The following GRAMD1B variants were observed in gnomAD, a reference collection of about 807,000 sequenced individuals.
GRAMD1B encodes protein Aster-B.
GRAMD1B carries 37 observed loss-of-function variants against 99.7 expected under a neutral mutation model. The observed-to-expected ratio is 0.37, with a 90% CI of 0.29 to 0.49. The LOEUF (loss-of-function observed/expected upper bound fraction) is 0.49, where lower values mean the gene tolerates loss of function less well. GRAMD1B is among the 20% of genes least tolerant of loss of function. The pLI, the probability that GRAMD1B is intolerant of heterozygous loss-of-function variation, is 0.98. For missense variants in GRAMD1B, 888 were observed against 1,009.2 expected, an observed-to-expected ratio of 0.88 and a Z score of 1.63; for synonymous variants, 427 against 387.6, an observed-to-expected ratio of 1.10 and a Z score of -1.19.
chr11:123,367,515 G>A (rs1946358977), intron 1 of GRAMD1B, among the ~76,000 whole-genome samples: 1 of 152,160 alleles, frequency 6.6e-6, no homozygotes, highest in Non-Finnish European at 1.5e-5. Context: ...TCAGGCAGAT[G>A]GGATAGCATG....
At chr11:123,429,517 A>G (rs1391685033), upstream of GRAMD1B, among the ~76,000 whole-genome samples, 2 of 152,146 alleles carry the variant, frequency 1.3e-5, no homozygotes, top group East Asian at 3.9e-4. The surrounding 1 kb of genome is among the most constrained non-coding windows in gnomAD (Gnocchi z 4.0). Context: ...ATCAGCCCTC[A>G]GCAATGTAAG....
chr11:123,599,315 C>T (rs1176709524), intron 7 of GRAMD1B: 15 of 708,916 alleles, frequency 2.1e-5, no homozygotes, highest in East Asian at 8.9e-5. Flanking sequence ...ACCTATCTTG[C>T]GTGGCCCGAG....
chr11:123,518,283 C>T lies in GRAMD1B; in HGVS notation c.452+37390C>T, dbSNP rs181427543. On this transcript the variant is annotated intron_variant, in intron 2 of 19. Coordinates refer to ENST00000635736, the MANE Select transcript of GRAMD1B (RefSeq NM_001387025.1). ...GTCAGGCAGTCAAGCATTCAGGAAG[C>T]GGGAGGAAGATTTTGGAGGTGAAGG... Among the ~76,000 whole-genome samples, 30 of 152,202 alleles carry T rather than the reference C, an allele frequency of 2.0e-4. No homozygotes were observed. The East Asian group carries it at 4.2e-3, about 22-fold the overall frequency.
At chr11:123,382,959 A>G (rs1946932812) in intron 1 of GRAMD1B, among the ~76,000 whole-genome samples, 1 of 152,108 alleles carries the variant, frequency 6.6e-6, no homozygotes, top group Non-Finnish European at 1.5e-5. Context: ...GCAGGACCCA[A>G]CCAGAAGCCA....
intron 1 of GRAMD1B, among the ~76,000 whole-genome samples, chr11:123,464,278 T>A (rs1290956964): frequency 6.6e-6 from 1 of 152,042 alleles, no homozygotes; most frequent in Non-Finnish European, 1.5e-5. Context: ...CACCCCAGCC[T>A]GGGAGACAGA....
At chr11:123,511,821 A>G (rs1412639083) in intron 2 of GRAMD1B, among the ~76,000 whole-genome samples, 8 of 152,298 alleles carry the variant, frequency 5.3e-5, no homozygotes, top group Non-Finnish European at 1.0e-4. Flanking sequence ...TGGTTAGAAC[A>G]TGTCTCTGGG....
chr11:123,402,663 GCT>G (rs1947709116), intron 1 of GRAMD1B, among the ~76,000 whole-genome samples: 1 of 152,170 alleles, frequency 6.6e-6, no homozygotes, highest in African/African-American at 2.4e-5. Context: ...CAGACTTTCT[GCT>G]CTCTTTCCTC....
intron 1 of GRAMD1B, among the ~76,000 whole-genome samples, chr11:123,365,996 A>G (rs1946307777): frequency 6.6e-6 from 1 of 152,220 alleles, no homozygotes; most frequent in Non-Finnish European, 1.5e-5. Context: ...GGGGACCACC[A>G]CTTTCAAAAG....
intron 2 of GRAMD1B, among the ~76,000 whole-genome samples, chr11:123,564,335 A>T (rs1404959729): frequency 1.3e-5 from 2 of 152,240 alleles, no homozygotes; most frequent in East Asian, 3.8e-4. Context: ...TCAGTACTTC[A>T]TAGTGTATTC....
chr11:123,561,400 G>A (rs555818327), intron 2 of GRAMD1B, among the ~76,000 whole-genome samples: 35 of 152,352 alleles, frequency 2.3e-4, no homozygotes, highest in African/African-American at 8.2e-4. Flanking sequence ...AGGAGAGGAT[G>A]AAAGGGGAAG....
At chr11:123,553,668 T>C (rs936748434) in intron 2 of GRAMD1B, among the ~76,000 whole-genome samples, 1 of 152,212 alleles carries the variant, frequency 6.6e-6, no homozygotes, top group African/African-American at 2.4e-5. Flanking sequence ...GCAATCAGTA[T>C]ATCCATTTGG....
chr11:123,533,769 T>A (rs1044831357), intron 2 of GRAMD1B, among the ~76,000 whole-genome samples: 2 of 152,248 alleles, frequency 1.3e-5, no homozygotes, highest in East Asian at 1.9e-4. Flanking sequence ...GCAATTTTTT[T>A]AAATCTAGGT....
intron 5 of GRAMD1B, 45 bp downstream of exon 5, chr11:123,594,211 G>A: frequency 7.4e-7 from 1 of 1,349,624 alleles, no homozygotes; most frequent in Non-Finnish European, 1.1e-6. Context: ...AGTCTGGGGA[G>A]CCCCCGGCAT....
At chr11:123,513,578 T>TTCCTTTCCTTCCTTCCTTCCTTCCTTCC (rs1555050112) in intron 2 of GRAMD1B, among the ~76,000 whole-genome samples, 1 of 41,672 alleles carries the variant, frequency 2.4e-5, no homozygotes, top group Admixed American at 2.9e-4. Context: ...CCTTCCTTCC[T>TTCCTTTCCTTCCTTCCTTCCTTCCTTCC]TTCCTTCCTT....
chr11:123,557,770 T>G (rs953109004), intron 2 of GRAMD1B, among the ~76,000 whole-genome samples: 11 of 152,174 alleles, frequency 7.2e-5, no homozygotes, highest in Non-Finnish European at 1.2e-4. Context: ...CCATTGTATT[T>G]AATACAAACC....
chr11:123,618,190 G>T (rs1257229836), intron 17 of GRAMD1B, among the ~76,000 whole-genome samples: 1 of 152,010 alleles, frequency 6.6e-6, no homozygotes, highest in Non-Finnish European at 1.5e-5. Flanking sequence ...GTCCTTGCTG[G>T]GTCGTCTCAT....
At chr11:123,436,373 G>A (rs575647059) in intron 1 of GRAMD1B, among the ~76,000 whole-genome samples, 57 of 152,318 alleles carry the variant, frequency 3.7e-4, no homozygotes, top group Admixed American at 1.3e-3. Flanking sequence ...GTTTGGATGT[G>A]TTGGCTTGAA....
rs1421758475 is a variant in GRAMD1B at position 123,625,070 on chromosome 11, G to A, written c.*2475G>A. 4 of 152,134 alleles carry A rather than the reference G, an allele frequency of 2.6e-5. No homozygotes were observed. Among genetic ancestry groups the A allele is most frequent in the African/African-American group, 7.2e-5 (3 of 41,418 alleles). The allele number at this position is 152,134 out of a possible 1,614,324, so 9.4% of individuals were successfully genotyped here. On this transcript the variant is annotated 3_prime_UTR_variant, in exon 20 of 20. Transcript: ENST00000635736. ...AATAATTTTTTGACTATCATACCAG[G>A]AAAAAACCAACAACTCTATTCATTC... is the stretch of plus-strand genomic sequence containing the variant.
At chr11:123,555,614 G>T (rs936148782) in intron 2 of GRAMD1B, among the ~76,000 whole-genome samples, 1 of 152,140 alleles carries the variant, frequency 6.6e-6, no homozygotes, top group Non-Finnish European at 1.5e-5. Context: ...CTTCCAAAGT[G>T]CTGGGATTAC....
Sources: gnomAD v4.1 joint callset for allele counts (sites outside exome capture counted in the v4.1 genomes callset) on GRCh38, gnomAD v4.1.1 for gene constraint, Gnocchi (gnomAD v3.1) non-coding constraint, MANE v1.5 for transcripts, NCBI Gene and HGNC (gene_info 2026-07-23, HGNC 2026-07-21) for gene names.